Variants in IL1RAPL2 observed in about 807,000 individuals in gnomAD.
IL1RAPL2 encodes X-linked interleukin-1 receptor accessory protein-like 2.
In IL1RAPL2, 3 loss-of-function variants were observed where a neutral mutation model predicts 44.1. The ratio of observed to expected loss-of-function variants is 0.07; its 90% CI spans 0.03 to 0.18. IL1RAPL2 has a LOEUF of 0.18. IL1RAPL2 is among the 10% of genes least tolerant of loss of function. The pLI is 1.00. For missense variants in IL1RAPL2, 391 were observed against 496.4 expected (o/e 0.79, Z 2.02); for synonymous variants, 181 against 178.8 (o/e 1.01, Z -0.10).
chrX:105,336,916 A>G (rs1392386645), intron 5 of IL1RAPL2, among the ~76,000 whole-genome samples: 1 of 111,295 alleles, frequency 9.0e-6, no homozygotes, highest in Non-Finnish European at 1.9e-5. Flanking sequence ...TTTCCTTCCT[A>G]TCACATATAT....
intron 5 of IL1RAPL2, among the ~76,000 whole-genome samples, chrX:105,401,199 A>G (rs963219306): frequency 8.1e-5 from 9 of 111,591 alleles, no homozygotes; most frequent in African/African-American, 2.6e-4. Flanking sequence ...ACATTCCAGT[A>G]TGAGTTTTGG....
chrX:105,495,858 G>A (rs1218039510), intron 6 of IL1RAPL2, among the ~76,000 whole-genome samples: 2 of 111,282 alleles, frequency 1.8e-5, no homozygotes, highest in Non-Finnish European at 1.9e-5. Context: ...CGGCCAGGGC[G>A]TTCCAAAGTT....
rs768814568 is a variant in IL1RAPL2 at position 105,640,654 on chromosome X, GTATATATATATA to G, written c.773-76686_773-76675del. ...AAGTACACAAATTATGTATGTGTGT[GTATATATATATA>G]TATATATATATATATATATATATAT... is the stretch of plus-strand genomic sequence containing the variant. On this transcript the variant is annotated intron_variant, in intron 6 of 10. Coordinates refer to ENST00000372582, the MANE Select transcript of IL1RAPL2 (RefSeq NM_017416.2). Among the ~76,000 whole-genome samples, 225 of 59,472 alleles carry G rather than the reference GTATATATATATA, an allele frequency of 3.8e-3. 1 individual carries two copies. The highest frequency in any genetic ancestry group is 0.024 in the South Asian group (20 of 835). 51.6% of individuals were successfully genotyped at this position (59,472 alleles called of 115,157 possible).
intron 2 of IL1RAPL2, among the ~76,000 whole-genome samples, chrX:104,695,581 A>ACAGC (rs1301441160): frequency 4.9e-5 from 4 of 82,007 alleles, no homozygotes; most frequent in African/African-American, 1.4e-4. Flanking sequence ...CATCAGAACC[A>ACAGC]TAACATGAGT....
chrX:104,673,963 T>G (rs1930680304), intron 2 of IL1RAPL2, among the ~76,000 whole-genome samples: 1 of 111,552 alleles, frequency 9.0e-6, no homozygotes, highest in Admixed American at 9.5e-5. Context: ...CCTGAGAGTT[T>G]GCTGAAGTTG....
At chrX:104,606,415 A>C (rs1282664754) in intron 1 of IL1RAPL2, among the ~76,000 whole-genome samples, 1 of 111,896 alleles carries the variant, frequency 8.9e-6, no homozygotes, top group African/African-American at 3.2e-5. Context: ...AGCACAAGAC[A>C]AGGATGCCCT....
At chrX:105,181,657 T>C (rs1320025362) in intron 2 of IL1RAPL2, among the ~76,000 whole-genome samples, 1 of 111,907 alleles carries the variant, frequency 8.9e-6, no homozygotes, top group African/African-American at 3.2e-5. Context: ...TTTTATTCTA[T>C]TGTGGTCTGA....
chrX:105,475,687 A>G (rs2036193524), intron 5 of IL1RAPL2, among the ~76,000 whole-genome samples: 1 of 100,627 alleles, frequency 9.9e-6, no homozygotes, highest in Non-Finnish European at 2.0e-5. Context: ...AACTGTGAAG[A>G]AAAAAAAAAA....
chrX:104,675,644 T>C (rs1296245296), intron 2 of IL1RAPL2, among the ~76,000 whole-genome samples: 1 of 110,922 alleles, frequency 9.0e-6, no homozygotes, highest in Non-Finnish European at 1.9e-5. Context: ...GTTCAATTCC[T>C]GGGTATCCTT....
At chrX:104,799,350 G>T (rs1932870895) in intron 2 of IL1RAPL2, among the ~76,000 whole-genome samples, 2 of 111,698 alleles carry the variant, frequency 1.8e-5, no homozygotes, top group East Asian at 5.6e-4. Flanking sequence ...CTAGTTTGAT[G>T]GTTCTCCAAT....
At chrX:104,995,736 G>T (rs1410253224) in intron 2 of IL1RAPL2, among the ~76,000 whole-genome samples, 1 of 111,862 alleles carries the variant, frequency 8.9e-6, no homozygotes, top group Non-Finnish European at 1.9e-5. Context: ...GTCAGAGCTA[G>T]TCTCCTTTCA....
intron 1 of IL1RAPL2, 40 bp from the exon 2 acceptor site, chrX:104,658,855 C>T: frequency 2.2e-6 from 2 of 915,473 alleles, no homozygotes; most frequent in Non-Finnish European, 3.2e-6. Flanking sequence ...AGGCCAAGAT[C>T]TGTGGTTCAA....
At chrX:104,599,857 G>A (rs992304436) in intron 1 of IL1RAPL2, among the ~76,000 whole-genome samples, 5 of 111,457 alleles carry the variant, frequency 4.5e-5, no homozygotes, top group Admixed American at 9.6e-5. Flanking sequence ...TTTGTGAGAT[G>A]TGAGTTTTTT....
At chrX:105,040,208 G>A (rs746675230) in intron 2 of IL1RAPL2, among the ~76,000 whole-genome samples, 8 of 111,582 alleles carry the variant, frequency 7.2e-5, no homozygotes, top group South Asian at 3.8e-4. Flanking sequence ...TATTGAACCA[G>A]CCTTGCATCC....
intron 2 of IL1RAPL2, among the ~76,000 whole-genome samples, chrX:104,873,516 A>T (rs954282788): frequency 8.1e-5 from 9 of 111,708 alleles, no homozygotes; most frequent in Non-Finnish European, 1.7e-4. Context: ...TTTTGTTAGG[A>T]GTTTTCTGGA....
At chrX:104,712,949 G>A (rs780287263) in intron 2 of IL1RAPL2, among the ~76,000 whole-genome samples, 1 of 110,757 alleles carries the variant, frequency 9.0e-6, no homozygotes, top group Non-Finnish European at 1.9e-5. Flanking sequence ...TTTTCAGATT[G>A]ATAATAAAAA....
chrX:104,891,905 C>T (rs2147665909), intron 2 of IL1RAPL2, among the ~76,000 whole-genome samples: 1 of 111,455 alleles, frequency 9.0e-6, no homozygotes, highest in African/African-American at 3.3e-5. Context: ...AGTTTTTGCC[C>T]ATTCAGTATG....
chrX:104,832,893 C>T (rs1170853703), intron 2 of IL1RAPL2, among the ~76,000 whole-genome samples: 11 of 110,848 alleles, frequency 9.9e-5, no homozygotes, highest in Admixed American at 8.7e-4. Flanking sequence ...GATTTTGGCT[C>T]CCCTGACAGT....
intron 6 of IL1RAPL2, among the ~76,000 whole-genome samples, chrX:105,675,643 A>G (rs74728196): frequency 6.3e-5 from 7 of 111,370 alleles, no homozygotes; most frequent in African/African-American, 2.0e-4. Flanking sequence ...TATCTCTCCC[A>G]GGTTTTGGTA....
Sources: allele counts gnomAD v4.1 joint callset (sites outside exome capture counted in the v4.1 genomes callset), GRCh38; gene constraint gnomAD v4.1.1; transcripts MANE v1.5; gene names NCBI Gene and HGNC (gene_info 2026-07-23, HGNC 2026-07-21).